Variants in SLC39A11 observed in about 807,000 individuals in gnomAD.
SLC39A11 encodes the protein solute carrier family 39 member 11, also known as zinc transporter ZIP11.
In SLC39A11, 33 loss-of-function variants were observed where a neutral mutation model predicts 36.1. The ratio of observed to expected loss-of-function variants is 0.91; its 90% CI spans 0.69 to 1.22. The LOEUF is 1.22. Among genes scored for constraint, SLC39A11 ranks in the 50% most tolerant of loss-of-function variants. The pLI is 0.00. For synonymous variants in SLC39A11, 166 were observed against 170.3 expected (o/e 0.97, Z 0.20); for missense variants, 432 against 430.3 (o/e 1.00, Z -0.03).
chr17:72,936,743 G>A (rs2084792405), intron 5 of SLC39A11, among the ~76,000 whole-genome samples: 2 of 143,020 alleles, frequency 1.4e-5, no homozygotes, highest in African/African-American at 5.3e-5. Flanking sequence ...CTACACATAG[G>A]AGGTGGGGGG....
chr17:72,765,417 G>T (rs1047940707), intron 6 of SLC39A11, among the ~76,000 whole-genome samples: 2 of 152,186 alleles, frequency 1.3e-5, no homozygotes, highest in Non-Finnish European at 2.9e-5. Flanking sequence ...TATTGGAAAG[G>T]CTGAATTAAG....
chr17:73,008,155 TTTTTTTTTTG>T (rs1352425405), intron 4 of SLC39A11, among the ~76,000 whole-genome samples: 9 of 70,584 alleles, frequency 1.3e-4, no homozygotes, highest in East Asian at 3.3e-4. Flanking sequence ...GGGTTTGTTG[TTTTTTTTTTG>T]TTTTTTTTTT....
intron 4 of SLC39A11, among the ~76,000 whole-genome samples, chr17:72,951,163 G>A (rs1598556782): frequency 6.6e-6 from 1 of 151,196 alleles, no homozygotes; most frequent in South Asian, 2.1e-4. Flanking sequence ...TTGGGAGGCT[G>A]TGGCAGGAGG....
chr17:72,655,419 A>C (rs2070064117), intron 7 of SLC39A11, among the ~76,000 whole-genome samples: 1 of 152,234 alleles, frequency 6.6e-6, no homozygotes, highest in South Asian at 2.1e-4. Context: ...TGCCAGTCAC[A>C]GGGAGCACCG....
chr17:72,881,611 A>AT (rs1203094287), intron 5 of SLC39A11, among the ~76,000 whole-genome samples: 10 of 152,226 alleles, frequency 6.6e-5, no homozygotes, highest in African/African-American at 2.2e-4. Context: ...CCTTTTTAAA[A>AT]TTTTTATTTT....
At chr17:72,936,736 C>A (rs2084791644) in intron 5 of SLC39A11, among the ~76,000 whole-genome samples, 1 of 150,288 alleles carries the variant, frequency 6.7e-6, no homozygotes, top group Admixed American at 6.7e-5. Flanking sequence ...AATTTTTCTA[C>A]ACATAGGAGG....
At chr17:72,991,025 G>A (rs556235705) in intron 4 of SLC39A11, among the ~76,000 whole-genome samples, 1 of 152,186 alleles carries the variant, frequency 6.6e-6, no homozygotes, top group South Asian at 2.1e-4. Context: ...AAATGTAGAA[G>A]AGTACAGAGA....
chr17:72,811,438 G>A (rs992387406), intron 6 of SLC39A11, among the ~76,000 whole-genome samples: 4 of 152,164 alleles, frequency 2.6e-5, no homozygotes, highest in Non-Finnish European at 4.4e-5. Context: ...TAATTTTAAA[G>A]CTTTGTGGAA....
intron 4 of SLC39A11, among the ~76,000 whole-genome samples, chr17:73,026,000 C>A (rs1408032851): frequency 1.3e-4 from 20 of 151,208 alleles, no homozygotes; most frequent in Non-Finnish European, 2.9e-4. Context: ...TGCCTGTAAT[C>A]CCAGCTACTC....
chr17:72,961,751 TG>T (rs2086629040), intron 4 of SLC39A11, among the ~76,000 whole-genome samples: 1 of 145,470 alleles, frequency 6.9e-6, no homozygotes, highest in Admixed American at 7.0e-5. Context: ...GGTGGGGGGC[TG>T]GGGGAGGGAT....
intron 7 of SLC39A11, among the ~76,000 whole-genome samples, chr17:72,654,249 T>C (rs1478045927): frequency 6.6e-6 from 1 of 152,164 alleles, no homozygotes; most frequent in African/African-American, 2.4e-5. Flanking sequence ...GCTTCTGGCA[T>C]TGGGTATAGG....
chr17:72,927,905 AGGGAAC>A (rs1351695361), intron 5 of SLC39A11, among the ~76,000 whole-genome samples: 2 of 152,186 alleles, frequency 1.3e-5, no homozygotes, highest in Non-Finnish European at 2.9e-5. Context: ...ATTCATGAAA[AGGGAAC>A]ATTTGTAGTA....
In SLC39A11 at chr17:72,795,088, T is replaced by C. The variant is rs1237957681; in HGVS notation, c.601+54546A>G. ...AGTATCAAATAATTTATCTCCCTCA[T>C]GCCCTGTATTAACAATCTACTGCTG... On this transcript the variant is annotated intron_variant, in intron 6 of 9. Coordinates refer to ENST00000255559, the MANE Select transcript of SLC39A11 (RefSeq NM_139177.4). 2.0e-5 allele frequency among the ~76,000 whole-genome samples: 3 copies of C among 152,242 alleles called. No individual in the cohort carries two copies. In the East Asian group the frequency reaches 5.8e-4, roughly 29 times the overall value.
chr17:72,922,257 A>G (rs41335744), intron 5 of SLC39A11, among the ~76,000 whole-genome samples: 3,365 of 152,340 alleles, frequency 0.022, 61 homozygotes, highest in South Asian at 0.066. Flanking sequence ...TCTCCCGAAG[A>G]CAGTTTCACA....
chr17:72,896,652 G>T (rs2082044586), intron 5 of SLC39A11, among the ~76,000 whole-genome samples: 1 of 152,054 alleles, frequency 6.6e-6, no homozygotes, highest in Non-Finnish European at 1.5e-5. Context: ...TAACACATTT[G>T]TTCATTGTAA....
intron 6 of SLC39A11, among the ~76,000 whole-genome samples, chr17:72,844,573 G>A (rs978747794): frequency 7.9e-5 from 12 of 152,308 alleles, no homozygotes; most frequent in African/African-American, 2.9e-4. Flanking sequence ...AGAGGCCGAG[G>A]CAGGAGAACC....
intron 7 of SLC39A11, among the ~76,000 whole-genome samples, chr17:72,718,347 G>C (rs540235069): frequency 5.3e-5 from 8 of 152,314 alleles, no homozygotes; most frequent in African/African-American, 1.9e-4. Context: ...GCTGAGGCAG[G>C]AGAATCGCTT....
intron 5 of SLC39A11, among the ~76,000 whole-genome samples, chr17:72,914,870 A>AAATAAATAAATAAATAAATAAATAAATT (rs1457649136): frequency 2.0e-5 from 3 of 152,042 alleles, no homozygotes; most frequent in Non-Finnish European, 4.4e-5. Context: ...TCTGTCTCAT[A>AAATAAATAAATAAATAAATAAATAAATT]AATAAATAAA....
chr17:72,936,399 T>C (rs1251211710), intron 5 of SLC39A11, among the ~76,000 whole-genome samples: 2 of 98,720 alleles, frequency 2.0e-5, no homozygotes, highest in Non-Finnish European at 3.6e-5. Context: ...CAGTATCTCA[T>C]CTGAAAAAAA....
Sources: gnomAD v4.1 joint callset for allele counts (sites outside exome capture counted in the v4.1 genomes callset) on GRCh38, gnomAD v4.1.1 for gene constraint, MANE v1.5 for transcripts, NCBI Gene and HGNC (gene_info 2026-07-23, HGNC 2026-07-21) for gene names.